TUFT1: variants seen among roughly 807,000 people sequenced by gnomAD.
The protein encoded by TUFT1 is tuftelin 1.
Under a neutral mutation model 57.8 loss-of-function variants are expected in TUFT1, and 43 were observed. The observed-to-expected ratio is 0.74, with a 90% CI of 0.58 to 0.96. TUFT1 has a LOEUF of 0.96. TUFT1 is among the 40% of genes least tolerant of loss of function. TUFT1 has a pLI of 0.00. For missense variants in TUFT1, 459 were observed against 489.0 expected, an observed-to-expected ratio of 0.94 and a Z score of 0.58; for synonymous variants, 166 against 176.7, an observed-to-expected ratio of 0.94 and a Z score of 0.48.
intron 11 of TUFT1, 80 bp downstream of exon 11, chr1:151,579,812 G>C: frequency 7.2e-7 from 1 of 1,383,236 alleles, no homozygotes; most frequent in Non-Finnish European, 9.9e-7. Context: ...GGTTATGGGA[G>C]GGGTCTTTGT....
chr1:151,568,018 C>T (rs938889432), intron 6 of TUFT1, among the ~76,000 whole-genome samples: 23 of 152,160 alleles, frequency 1.5e-4, no homozygotes, highest in African/African-American at 5.5e-4. Flanking sequence ...TTCATCTTTC[C>T]CCGAATGCAA....
rs555275901 is a variant in TUFT1 at position 151,570,745 on chromosome 1, A to G, written c.594+975A>G. ...GTCTTTGGAGACAGGGTCTCACTCTATTGCCAGGCTTGAGTGCAGTGGCAT... is the reference window on the plus strand; with the variant it reads ...GTCTTTGGAGACAGGGTCTCACTCTGTTGCCAGGCTTGAGTGCAGTGGCAT... On this transcript the variant is annotated intron_variant, in intron 7 of 12. Coordinates refer to ENST00000368849, the MANE Select transcript of TUFT1 (RefSeq NM_020127.3). 2.6e-5 allele frequency among the ~76,000 whole-genome samples: 4 copies of G among 151,090 alleles called. No homozygotes were observed. In the East Asian group the frequency reaches 7.9e-4, roughly 30 times the overall value.
At chr1:151,565,866 G>T in intron 5 of TUFT1, 1 of 272,684 alleles carries the variant, frequency 3.7e-6, no homozygotes, top group Non-Finnish European at 7.2e-6. Context: ...CTCCCTACAA[G>T]ACTTTCAAGG....
chr1:151,540,592 G>A (rs1422958174), intron 1 of TUFT1, 166 bp downstream of exon 1: 5 of 734,544 alleles, frequency 6.8e-6, no homozygotes, highest in Non-Finnish European at 1.1e-5. Context: ...GCGACGGGCA[G>A]TGGGAGTCGC....
chr1:151,557,728 G>A (rs1665752665), intron 1 of TUFT1: 7 of 790,216 alleles, frequency 8.9e-6, no homozygotes, highest in Non-Finnish European at 1.4e-5. Flanking sequence ...ACTCTATGCT[G>A]CAGCCGTCCA....
At chr1:151,549,070 A>G (rs982992393) in intron 1 of TUFT1, among the ~76,000 whole-genome samples, 2 of 152,198 alleles carry the variant, frequency 1.3e-5, no homozygotes, top group Admixed American at 6.5e-5. Context: ...GAGGCTGCCT[A>G]TAATTTGGAG....
At chr1:151,569,589 G>C in intron 6 of TUFT1, 68 bp from the exon 7 acceptor site, 4 of 1,302,302 alleles carry the variant, frequency 3.1e-6, no homozygotes, top group Middle Eastern at 3.7e-4. Context: ...GTGCCTGGGA[G>C]GGGGGACCTT....
intron 2 of TUFT1, 99 bp downstream of exon 2, chr1:151,562,264 T>G: frequency 9.1e-7 from 1 of 1,095,060 alleles, no homozygotes; most frequent in Non-Finnish European, 1.4e-6. Flanking sequence ...ACTCTGGTGA[T>G]GCGAGCGTGG....
chr1:151,553,769 C>T (rs887973136), intron 1 of TUFT1, among the ~76,000 whole-genome samples: 1 of 152,180 alleles, frequency 6.6e-6, no homozygotes, highest in African/African-American at 2.4e-5. Context: ...GCAATCCCAG[C>T]ATCAGTGTCT....
intron 1 of TUFT1, among the ~76,000 whole-genome samples, chr1:151,545,346 T>C (rs1263185840): frequency 2.0e-5 from 3 of 152,210 alleles, no homozygotes; most frequent in Non-Finnish European, 4.4e-5. Flanking sequence ...TCTGGGAATC[T>C]GACTAAGGTG....
At chr1:151,567,390 C>A (rs1191545325) in intron 6 of TUFT1, among the ~76,000 whole-genome samples, 1 of 151,940 alleles carries the variant, frequency 6.6e-6, no homozygotes, top group Non-Finnish European at 1.5e-5. Flanking sequence ...CGTGCCACCA[C>A]ACCTGGCTAA....
intron 5 of TUFT1, among the ~76,000 whole-genome samples, chr1:151,565,336 C>G (rs1666032808): frequency 6.6e-6 from 1 of 152,268 alleles, no homozygotes; most frequent in African/African-American, 2.4e-5. Context: ...TCGCCCTCAT[C>G]CTTTAGATTC....
intron 5 of TUFT1, chr1:151,565,909 C>T (rs1002248786): frequency 7.5e-6 from 3 of 399,802 alleles, no homozygotes; most frequent in Non-Finnish European, 1.4e-5. Flanking sequence ...CTCTCCACCC[C>T]CTCTTGTTTC....
intron 1 of TUFT1, among the ~76,000 whole-genome samples, chr1:151,547,680 C>T (rs938580926): frequency 9.2e-5 from 14 of 152,276 alleles, no homozygotes; most frequent in Admixed American, 8.5e-4. Context: ...CAGAGCCACT[C>T]CCTTTGATGC....
chr1:151,569,204 T>C (rs984771775), intron 6 of TUFT1, among the ~76,000 whole-genome samples: 1 of 152,190 alleles, frequency 6.6e-6, no homozygotes, highest in African/African-American at 2.4e-5. Flanking sequence ...CTGAGAATGG[T>C]AAAGGATGTG....
At chr1:151,570,804 C>T (rs1345726511) in intron 7 of TUFT1, among the ~76,000 whole-genome samples, 1 of 152,114 alleles carries the variant, frequency 6.6e-6, no homozygotes, top group Non-Finnish European at 1.5e-5. Context: ...ATCTCCCGGA[C>T]TCAAGCCATC....
At chr1:151,541,859 G>A (rs1665178221) in intron 1 of TUFT1, among the ~76,000 whole-genome samples, 1 of 152,180 alleles carries the variant, frequency 6.6e-6, no homozygotes, top group Non-Finnish European at 1.5e-5. Context: ...GTTTTTAAGC[G>A]ACGAGTGTCT....
chr1:151,545,984 C>A, intron 1 of TUFT1: 2 of 290,580 alleles, frequency 6.9e-6, no homozygotes, highest in Non-Finnish European at 7.4e-6. Flanking sequence ...ATCTTTCTTT[C>A]GAATATTTGC....
intron 1 of TUFT1, among the ~76,000 whole-genome samples, chr1:151,549,023 G>C (rs1371537760): frequency 1.3e-5 from 2 of 152,144 alleles, no homozygotes; most frequent in African/African-American, 2.4e-5. Flanking sequence ...GCTTTGAGGA[G>C]TGAGTCAGGG....
Sources: gnomAD v4.1 joint callset for allele counts (sites outside exome capture counted in the v4.1 genomes callset) on GRCh38, gnomAD v4.1.1 for gene constraint, MANE v1.5 for transcripts, NCBI Gene and HGNC (gene_info 2026-07-23, HGNC 2026-07-21) for gene names.